CDC40: variants seen among roughly 807,000 people sequenced by gnomAD.
CDC40 encodes cell division cycle 40.
Under a neutral mutation model 80.6 loss-of-function variants are expected in CDC40, and 27 were observed. The observed-to-expected ratio is 0.33, with a 90% CI of 0.25 to 0.46. CDC40 has a LOEUF of 0.46. Ranked by LOEUF, CDC40 falls within the 20% of genes least tolerant of loss-of-function variation. CDC40 has a pLI of 1.00. For synonymous variants in CDC40, 221 were observed against 232.6 expected, an observed-to-expected ratio of 0.95 and a Z score of 0.45; for missense variants, 486 against 694.1, an observed-to-expected ratio of 0.70 and a Z score of 3.37.
chr6:110,229,873 A>G (rs958380355), intron 14 of CDC40, 81 bp from the exon 15 acceptor site: 38 of 841,884 alleles, frequency 4.5e-5, no homozygotes, highest in Non-Finnish European at 7.2e-5. Flanking sequence ...TTAACGTGAA[A>G]AGATAACGTC....
In CDC40 at chr6:110,231,555, G is replaced by C. The variant is rs1206670550; in HGVS notation, c.*1424G>C. The C allele has an allele frequency of 1.3e-5, 2 of 152,126 alleles. No homozygotes were observed. Among genetic ancestry groups the C allele is most frequent in the Non-Finnish European group, 2.9e-5 (2 of 68,014 alleles). The allele number at this position is 152,126 out of a possible 1,614,324, so 9.4% of individuals were successfully genotyped here. On this transcript the variant is annotated 3_prime_UTR_variant, in exon 15 of 15. Transcript: ENST00000307731. ...GTAATAGCTCATAGCACTTTAATTT[G>C]GCAAGCCATTTTTCCTGTTTTATTA...
intron 1 of CDC40, among the ~76,000 whole-genome samples, chr6:110,181,662 A>G (rs1273550035): frequency 6.6e-6 from 1 of 152,020 alleles, no homozygotes; most frequent in Non-Finnish European, 1.5e-5. Context: ...CCCTCCAGTA[A>G]CCTCCTGAGT....
intron 1 of CDC40, among the ~76,000 whole-genome samples, chr6:110,186,050 T>A (rs188303558): frequency 6.6e-6 from 1 of 152,284 alleles, no homozygotes; most frequent in East Asian, 1.9e-4. Flanking sequence ...TTTATTCACA[T>A]CCCCTGTACT....
chr6:110,213,687 TAGAG>T (rs1391721827), intron 8 of CDC40, among the ~76,000 whole-genome samples: 3 of 152,348 alleles, frequency 2.0e-5, no homozygotes, highest in East Asian at 1.9e-4. Context: ...CCTTATGAAA[TAGAG>T]AGGACATAGG....
chr6:110,190,719 G>C (rs1777335645), intron 1 of CDC40, among the ~76,000 whole-genome samples: 1 of 152,136 alleles, frequency 6.6e-6, no homozygotes, highest in South Asian at 2.1e-4. Context: ...GCCAAGCTCA[G>C]GGGGACCGAG....
intron 2 of CDC40, among the ~76,000 whole-genome samples, chr6:110,194,327 A>T (rs1254722679): frequency 6.6e-6 from 1 of 152,206 alleles, no homozygotes; most frequent in Non-Finnish European, 1.5e-5. Context: ...ATCTTATGGT[A>T]TCTTGGGGGA....
chr6:110,196,974 T>C (rs2114654008), intron 2 of CDC40, among the ~76,000 whole-genome samples: 1 of 152,324 alleles, frequency 6.6e-6, no homozygotes, highest in East Asian at 1.9e-4. Flanking sequence ...TTATTTTTCT[T>C]TATGTGAACT....
intron 1 of CDC40, among the ~76,000 whole-genome samples, chr6:110,188,490 T>C (rs934010791): frequency 6.6e-6 from 1 of 152,202 alleles, no homozygotes; most frequent in South Asian, 2.1e-4. Flanking sequence ...ATATTTGTCA[T>C]CTTTTCAATG....
At chr6:110,210,998 A>G (rs1310078187) in intron 6 of CDC40, 195 bp downstream of exon 6, 2 of 253,874 alleles carry the variant, frequency 7.9e-6, no homozygotes, top group Non-Finnish European at 7.9e-6. Flanking sequence ...AAAAAATAGC[A>G]TGATTAATGA....
chr6:110,230,311 T>C lies in CDC40; in HGVS notation c.*180T>C. ...TCATTTGCAACTTCATTTTGTTTTT[T>C]ATAAATGTTATTTATACAGAAAGTG... On this transcript the variant is annotated 3_prime_UTR_variant, in exon 15 of 15. Coordinates refer to ENST00000307731, the MANE Select transcript of CDC40 (RefSeq NM_015891.3). 1 of 525,610 alleles carries C rather than the reference T, an allele frequency of 1.9e-6. No homozygotes were observed. The allele number at this position is 525,610 out of a possible 1,614,324, so 32.6% of individuals were successfully genotyped here. A position where few individuals can be genotyped will look rare whatever the true frequency, so the allele number is the denominator to read the frequency against.
chr6:110,180,681 T>C, intron 1 of CDC40, 48 bp downstream of exon 1: 1 of 1,392,526 alleles, frequency 7.2e-7, no homozygotes. Flanking sequence ...TGGCTTCAGC[T>C]CCAGAACTGC....
intron 14 of CDC40, 120 bp downstream of exon 14, chr6:110,229,096 C>G: frequency 1.1e-6 from 1 of 892,778 alleles, no homozygotes; most frequent in Non-Finnish European, 1.7e-6. Flanking sequence ...ACTCGATGAT[C>G]TGTCAAAATT....
intron 1 of CDC40, among the ~76,000 whole-genome samples, 178 bp downstream of exon 1, chr6:110,180,811 A>G (rs1777175397): frequency 6.6e-6 from 1 of 152,250 alleles, no homozygotes; most frequent in South Asian, 2.1e-4. Context: ...GAAGTTCGGA[A>G]TAGCCCTCCG....
intron 13 of CDC40, among the ~76,000 whole-genome samples, chr6:110,226,998 A>C (rs1777871954): frequency 6.6e-6 from 1 of 151,792 alleles, no homozygotes; most frequent in African/African-American, 2.4e-5. Context: ...ACAGAGCAAG[A>C]CCCTTCTCTC....
At chr6:110,221,552 T>G (rs1777776308) in intron 12 of CDC40, among the ~76,000 whole-genome samples, 1 of 152,204 alleles carries the variant, frequency 6.6e-6, no homozygotes. Context: ...CAGAAATATT[T>G]TTTTACAGAG....
chr6:110,195,329 T>TA (rs1777404774), intron 2 of CDC40, among the ~76,000 whole-genome samples: 1 of 150,674 alleles, frequency 6.6e-6, no homozygotes, highest in Non-Finnish European at 1.5e-5. Context: ...TGTGTTTTTT[T>TA]TAAAAAGATA....
At chr6:110,201,007 T>C (rs1777486564) in intron 2 of CDC40, among the ~76,000 whole-genome samples, 1 of 152,210 alleles carries the variant, frequency 6.6e-6, no homozygotes, top group African/African-American at 2.4e-5. Flanking sequence ...TCTGTTTTTC[T>C]ATCCTCCACC....
At chr6:110,195,527 C>T (rs957442334) in intron 2 of CDC40, among the ~76,000 whole-genome samples, 13 of 152,010 alleles carry the variant, frequency 8.6e-5, no homozygotes, top group Admixed American at 2.0e-4. Context: ...TAACCTTGGA[C>T]GTTCTTAGTT....
At chr6:110,197,743 T>C (rs929420082) in intron 2 of CDC40, among the ~76,000 whole-genome samples, 7 of 152,152 alleles carry the variant, frequency 4.6e-5, no homozygotes, top group Non-Finnish European at 1.0e-4. Context: ...TAATCTATGC[T>C]GTCAGAAATG....
Sources: allele counts gnomAD v4.1 joint callset (sites outside exome capture counted in the v4.1 genomes callset), GRCh38; gene constraint gnomAD v4.1.1; transcripts MANE v1.5; gene names NCBI Gene and HGNC (gene_info 2026-07-23, HGNC 2026-07-21).